Variants in SWT1 observed in about 807,000 individuals in gnomAD.
SWT1 encodes the protein transcriptional protein SWT1.
A neutral mutation model predicts 107.3 loss-of-function variants in SWT1; 33 were observed. That is an observed-to-expected ratio of 0.31 (90% CI 0.23 to 0.41). SWT1 has a LOEUF of 0.41. SWT1 is among the 10% of genes least tolerant of loss of function. The pLI is 1.00. For synonymous variants in SWT1, 345 were observed against 348.3 expected (o/e 0.99, Z 0.11); for missense variants, 898 against 1,028.9 (o/e 0.87, Z 1.74).
intron 18 of SWT1, among the ~76,000 whole-genome samples, chr1:185,286,262 C>T (rs540124669): frequency 6.6e-5 from 10 of 152,216 alleles, no homozygotes; most frequent in African/African-American, 2.2e-4. Context: ...CTCACTCTGT[C>T]GCCCAGACTG....
chr1:185,193,931 A>G (rs1262895990), intron 10 of SWT1, among the ~76,000 whole-genome samples: 1 of 152,238 alleles, frequency 6.6e-6, no homozygotes, highest in Non-Finnish European at 1.5e-5. Flanking sequence ...GATGAATTGG[A>G]GAATTCCCTC....
chr1:185,238,273 A>G (rs1360659706), intron 16 of SWT1, among the ~76,000 whole-genome samples: 1 of 152,136 alleles, frequency 6.6e-6, no homozygotes, highest in Non-Finnish European at 1.5e-5. Context: ...GGCATGAGCC[A>G]CCTTGCCTGG....
chr1:185,272,363 A>G (rs1412654426), intron 17 of SWT1, among the ~76,000 whole-genome samples: 1 of 152,172 alleles, frequency 6.6e-6, no homozygotes, highest in Non-Finnish European at 1.5e-5. Flanking sequence ...TTGTGTGTAT[A>G]TGTGTTTAAT....
At chr1:185,204,530 A>G (rs543135727) in intron 11 of SWT1, among the ~76,000 whole-genome samples, 170 bp from the exon 12 acceptor site, 1 of 152,230 alleles carries the variant, frequency 6.6e-6, no homozygotes, top group South Asian at 2.1e-4. Flanking sequence ...TAAAGCAACT[A>G]TAATAGAGAT....
rs146724889 is a variant in SWT1, at chr1:185,222,324, G to A, written c.2309+288G>A. ...ATGAAAAGTATTCCATTGTGTATAT[G>A]TACCACATTTCCTTTATGCATTCAT... On this transcript the variant is annotated intron_variant, in intron 15 of 18. Transcript: ENST00000367500. Among the ~76,000 whole-genome samples the A allele has an allele frequency of 4.8e-3, 731 of 152,158 alleles. 5 individuals carry two copies. The highest frequency in any genetic ancestry group is 0.017 in the African/African-American group (697 of 41,518).
chr1:185,177,001 A>AAT, intron 5 of SWT1: 3 of 946,510 alleles, frequency 3.2e-6, no homozygotes, highest in Non-Finnish European at 3.8e-6. Context: ...AAAAAAAAAA[A>AAT]GACTATGGAT....
At chr1:185,184,526 C>CT (rs1009464324) in intron 8 of SWT1, among the ~76,000 whole-genome samples, 182 bp downstream of exon 8, 6 of 152,106 alleles carry the variant, frequency 3.9e-5, no homozygotes, top group African/African-American at 1.4e-4. Flanking sequence ...TGAACTCACT[C>CT]TTTTTTTGAT....
chr1:185,242,700 A>G (rs1661333369), intron 16 of SWT1, among the ~76,000 whole-genome samples: 1 of 152,144 alleles, frequency 6.6e-6, no homozygotes, highest in South Asian at 2.1e-4. Flanking sequence ...AAGACAACAA[A>G]TATTTTAACT....
chr1:185,236,047 A>C (rs1453251934), intron 16 of SWT1, among the ~76,000 whole-genome samples: 1 of 152,190 alleles, frequency 6.6e-6, no homozygotes, highest in African/African-American at 2.4e-5. Context: ...GAAATAAGAG[A>C]AGACACAAAC....
chr1:185,208,253 A>T (rs1658491879), intron 13 of SWT1, among the ~76,000 whole-genome samples: 1 of 152,212 alleles, frequency 6.6e-6, no homozygotes, highest in South Asian at 2.1e-4. Flanking sequence ...ATTCTATGAT[A>T]GGTGTACCTT....
At chr1:185,224,632 T>A (rs1351178835) in intron 15 of SWT1, among the ~76,000 whole-genome samples, 1 of 152,222 alleles carries the variant, frequency 6.6e-6, no homozygotes, top group Admixed American at 6.5e-5. Context: ...TTCCATTTAT[T>A]GTATCCCCTT....
intron 16 of SWT1, among the ~76,000 whole-genome samples, chr1:185,237,473 T>G (rs1660970575): frequency 6.6e-6 from 1 of 152,124 alleles, no homozygotes; most frequent in African/African-American, 2.4e-5. Flanking sequence ...ACACTGCATG[T>G]TCTCACTCAT....
intron 11 of SWT1, among the ~76,000 whole-genome samples, chr1:185,204,278 A>G (rs1264487416): frequency 6.6e-6 from 1 of 151,934 alleles, no homozygotes. Flanking sequence ...CTCCGTCTCA[A>G]AAGAAAAAAA....
chr1:185,183,999 G>A (rs1656242726), intron 7 of SWT1, among the ~76,000 whole-genome samples: 1 of 152,006 alleles, frequency 6.6e-6, no homozygotes, highest in South Asian at 2.1e-4. Context: ...CTCCAAACAG[G>A]GGTTGCAATT....
intron 10 of SWT1, among the ~76,000 whole-genome samples, chr1:185,193,613 C>G (rs920127307): frequency 6.6e-6 from 1 of 152,016 alleles, no homozygotes. Context: ...ACTACAGTTG[C>G]AGGCTGCCAT....
intron 16 of SWT1, chr1:185,257,901 T>G (rs1205330520): frequency 6.6e-6 from 1 of 152,246 alleles, no homozygotes; most frequent in East Asian, 1.9e-4. Flanking sequence ...TTTTATTATT[T>G]TATTTTTTTT....
chr1:185,272,218 A>G (rs1663920561), intron 17 of SWT1, among the ~76,000 whole-genome samples: 1 of 152,226 alleles, frequency 6.6e-6, no homozygotes, highest in African/African-American at 2.4e-5. Flanking sequence ...AACTATAATG[A>G]GGCTTCAGTG....
intron 7 of SWT1, among the ~76,000 whole-genome samples, chr1:185,184,017 A>G (rs1158095329): frequency 1.3e-5 from 2 of 152,176 alleles, no homozygotes; most frequent in Non-Finnish European, 2.9e-5. Flanking sequence ...ATTCCTATCC[A>G]GAGGACCTTA....
At chr1:185,193,433 T>A (rs1011653362) in intron 10 of SWT1, among the ~76,000 whole-genome samples, 2 of 151,902 alleles carry the variant, frequency 1.3e-5, no homozygotes, top group Admixed American at 6.6e-5. Context: ...ATTCTTCAGG[T>A]CTTCTATAAC....
Sources: gnomAD v4.1 joint callset for allele counts (sites outside exome capture counted in the v4.1 genomes callset) on GRCh38, gnomAD v4.1.1 for gene constraint, MANE v1.5 for transcripts, NCBI Gene and HGNC (gene_info 2026-07-23, HGNC 2026-07-21) for gene names.